The following MACROH2A2 variants were observed in gnomAD, a reference collection of about 807,000 sequenced individuals.
MACROH2A2 encodes macroH2A.2 histone, also known as core histone macro-H2A.2.
MACROH2A2 carries 6 observed loss-of-function variants against 37.6 expected under a neutral mutation model. The observed-to-expected ratio is 0.16, with a 90% CI of 0.09 to 0.32. The LOEUF (loss-of-function observed/expected upper bound fraction) is 0.32, where lower values mean the gene tolerates loss of function less well. Ranked by LOEUF, MACROH2A2 falls within the 10% of genes least tolerant of loss-of-function variation. MACROH2A2 has a pLI of 1.00. For missense variants in MACROH2A2, 290 were observed against 485.9 expected (o/e 0.60, Z 3.79); for synonymous variants, 192 against 202.7 (o/e 0.95, Z 0.45).
At chr10:70,087,260 A>T (rs963741782) in intron 2 of MACROH2A2, among the ~76,000 whole-genome samples, 1 of 147,158 alleles carries the variant, frequency 6.8e-6, no homozygotes, top group Non-Finnish European at 1.5e-5. Flanking sequence ...TTTAAACAGA[A>T]TCTCACTATG....
intron 2 of MACROH2A2, among the ~76,000 whole-genome samples, chr10:70,079,565 G>GCGCGCGCACGCACACACACA (rs1386558755): frequency 7.9e-6 from 1 of 126,216 alleles, no homozygotes. Flanking sequence ...GCGCGCGCGC[G>GCGCGCGCACGCACACACACA]CACACACACA....
intron 2 of MACROH2A2, among the ~76,000 whole-genome samples, chr10:70,077,704 T>C (rs892226000): frequency 6.6e-6 from 1 of 152,180 alleles, no homozygotes; most frequent in Non-Finnish European, 1.5e-5. Context: ...ACCCCATCTC[T>C]ACTAAAAAAT....
At chr10:70,104,066 G>GT (rs2072321514) in intron 7 of MACROH2A2, among the ~76,000 whole-genome samples, 1 of 152,230 alleles carries the variant, frequency 6.6e-6, no homozygotes, top group Non-Finnish European at 1.5e-5. Context: ...TATGTTAGGT[G>GT]TAAGAAGCCA....
chr10:70,101,696 T>C (rs2072308122), intron 7 of MACROH2A2, among the ~76,000 whole-genome samples: 2 of 152,190 alleles, frequency 1.3e-5, no homozygotes, highest in South Asian at 4.1e-4. Context: ...TAATCTACTT[T>C]CTGTCTCTAC....
intron 1 of MACROH2A2, among the ~76,000 whole-genome samples, chr10:70,061,189 C>T (rs2072048315): frequency 1.3e-5 from 2 of 152,152 alleles, no homozygotes; most frequent in Non-Finnish European, 2.9e-5. Flanking sequence ...GGAAATCCCA[C>T]TGCTCCTATT....
At chr10:70,091,673 CAAAAAAA>C in intron 3 of MACROH2A2, 77 bp from the exon 4 acceptor site, 4 of 694,002 alleles carry the variant, frequency 5.8e-6, no homozygotes, top group South Asian at 1.9e-5. Flanking sequence ...GATTCTGTAT[CAAAAAAA>C]AAAAAAAAAA....
intron 8 of MACROH2A2, among the ~76,000 whole-genome samples, chr10:70,111,114 C>G (rs1489848504): frequency 6.6e-6 from 1 of 151,884 alleles, no homozygotes; most frequent in Non-Finnish European, 1.5e-5. Context: ...ACTAAAAATA[C>G]AAAAATTAGC....
chr10:70,104,914 A>G (rs2072327584), intron 7 of MACROH2A2, among the ~76,000 whole-genome samples: 1 of 152,248 alleles, frequency 6.6e-6, no homozygotes, highest in Non-Finnish European at 1.5e-5. Context: ...AACAAAAAAA[A>G]AGTGCATCTT....
At position 70,107,515 on chromosome 10, in the gene MACROH2A2, C is replaced by T. The variant is rs1177729095; in HGVS notation, c.779-1518C>T. 6.6e-6 allele frequency among the ~76,000 whole-genome samples: 1 copy of T among 152,336 alleles called. No homozygotes were observed. Among genetic ancestry groups the T allele is most frequent in the Non-Finnish European group, 1.5e-5 (1 of 68,026 alleles). ...GCGTGGGGGCAAGCATGGCTCATGG[C>T]TGAAGCTGCAGCTGCCTCAGGCAGA... On this transcript the variant is annotated intron_variant, in intron 7 of 8. Coordinates refer to ENST00000373255, the MANE Select transcript of MACROH2A2 (RefSeq NM_018649.3). This position sits in a 1 kb window ranked among gnomAD's most constrained non-coding sequence, Gnocchi z 4.4.
chr10:70,091,691 A>AAAAT, intron 3 of MACROH2A2, 66 bp from the exon 4 acceptor site: 1 of 1,043,896 alleles, frequency 9.6e-7, no homozygotes, highest in Non-Finnish European at 1.4e-6. Context: ...AAAAAAAAAA[A>AAAAT]GAACTGTATG....
At chr10:70,098,794 C>A (rs532549707) in intron 6 of MACROH2A2, 5 of 152,476 alleles carry the variant, frequency 3.3e-5, no homozygotes, top group Admixed American at 3.3e-4. Flanking sequence ...GCCATTGATG[C>A]CTCTTCTCTA....
intron 7 of MACROH2A2, among the ~76,000 whole-genome samples, chr10:70,108,796 T>C (rs2072352414): frequency 6.6e-6 from 1 of 152,026 alleles, no homozygotes. Flanking sequence ...CATATGAAAA[T>C]GGCGCATCAG....
At chr10:70,062,974 C>A (rs1393684227) in intron 1 of MACROH2A2, among the ~76,000 whole-genome samples, 5 of 151,794 alleles carry the variant, frequency 3.3e-5, no homozygotes, top group Non-Finnish European at 7.4e-5. Flanking sequence ...CTCATGTAAC[C>A]AAATACCACC....
intron 1 of MACROH2A2, among the ~76,000 whole-genome samples, chr10:70,062,589 C>T (rs533273518): frequency 1.3e-5 from 2 of 152,254 alleles, no homozygotes; most frequent in East Asian, 1.9e-4. Context: ...AGAATGATCT[C>T]GAAAGAGTGC....
intron 7 of MACROH2A2, among the ~76,000 whole-genome samples, chr10:70,105,408 G>A (rs1209439386): frequency 6.6e-6 from 1 of 152,212 alleles, no homozygotes; most frequent in Admixed American, 6.5e-5. Context: ...GAGAGAATGG[G>A]CGAGGGAGTC....
intron 1 of MACROH2A2, among the ~76,000 whole-genome samples, chr10:70,057,632 A>C (rs1255677936): frequency 6.6e-6 from 1 of 152,184 alleles, no homozygotes; most frequent in Non-Finnish European, 1.5e-5. Flanking sequence ...CACACATACA[A>C]CCTCAAGTAC....
chr10:70,090,241 G>A, intron 3 of MACROH2A2, 75 bp downstream of exon 3: 1 of 925,766 alleles, frequency 1.1e-6, no homozygotes, highest in Non-Finnish European at 1.8e-6. Context: ...GGCTGGCCAT[G>A]AGTCACTCCT....
intron 7 of MACROH2A2, among the ~76,000 whole-genome samples, chr10:70,106,896 A>G (rs970156321): frequency 6.6e-6 from 1 of 152,060 alleles, no homozygotes; most frequent in African/African-American, 2.4e-5. Flanking sequence ...TAAATCAGCC[A>G]TGACTGTAAC....
At chr10:70,090,639 C>G (rs543198190) in intron 3 of MACROH2A2, among the ~76,000 whole-genome samples, 1 of 152,236 alleles carries the variant, frequency 6.6e-6, no homozygotes, top group South Asian at 2.1e-4. Flanking sequence ...ATTTCTGTTT[C>G]TTTTCATTTA....
Sources: gnomAD v4.1 joint callset for allele counts (sites outside exome capture counted in the v4.1 genomes callset) on GRCh38, gnomAD v4.1.1 for gene constraint, Gnocchi (gnomAD v3.1) non-coding constraint, MANE v1.5 for transcripts, NCBI Gene and HGNC (gene_info 2026-07-23, HGNC 2026-07-21) for gene names.